Variants in NEK1 observed in about 807,000 individuals in gnomAD.
The protein encoded by NEK1 is serine/threonine-protein kinase Nek1.
Under a neutral mutation model 182.1 loss-of-function variants are expected in NEK1, and 137 were observed. The ratio of observed to expected loss-of-function variants is 0.75; its 90% CI spans 0.65 to 0.87. The LOEUF is 0.87. NEK1 is among the 40% of genes least tolerant of loss of function. NEK1 has a pLI of 0.00. For missense variants in NEK1, 1,391 were observed against 1,494.4 expected (o/e 0.93, Z 1.14); for synonymous variants, 513 against 492.2 (o/e 1.04, Z -0.56).
At chr4:169,598,893 A>C (rs1307713454) in intron 5 of NEK1, among the ~76,000 whole-genome samples, 2 of 152,216 alleles carry the variant, frequency 1.3e-5, no homozygotes, top group Non-Finnish European at 2.9e-5. Context: ...CAGAGATAAC[A>C]ATATATCATT....
chr4:169,545,385 A>C (rs1760242407), intron 18 of NEK1, among the ~76,000 whole-genome samples: 1 of 151,522 alleles, frequency 6.6e-6, no homozygotes, highest in Non-Finnish European at 1.5e-5. Context: ...TGAACTCATC[A>C]TTTTTTATGG....
At chr4:169,609,722 G>T (rs991429799) in intron 2 of NEK1, among the ~76,000 whole-genome samples, 3 of 152,006 alleles carry the variant, frequency 2.0e-5, no homozygotes, top group Non-Finnish European at 2.9e-5. Context: ...TAGTTGAAAA[G>T]ATTTTTCAAT....
chr4:169,512,117 C>T (rs987192072), intron 19 of NEK1, among the ~76,000 whole-genome samples: 4 of 152,046 alleles, frequency 2.6e-5, no homozygotes, highest in African/African-American at 9.7e-5. Flanking sequence ...GTTTTCTTTT[C>T]TCTGGAACAT....
chr4:169,569,199 A>G (rs1764217309), intron 12 of NEK1, among the ~76,000 whole-genome samples: 1 of 152,212 alleles, frequency 6.6e-6, no homozygotes. Flanking sequence ...TTAGATATGT[A>G]GGTACAGAAT....
intron 23 of NEK1, among the ~76,000 whole-genome samples, chr4:169,493,519 A>T (rs1750522238): frequency 6.6e-6 from 1 of 152,228 alleles, no homozygotes; most frequent in Non-Finnish European, 1.5e-5. Flanking sequence ...TCTGAGAGGA[A>T]GTTGAAATCC....
rs548733248 is a variant in NEK1 at position 169,486,475 on chromosome 4, T to C, written c.2008-6941A>G. On this transcript the variant is annotated intron_variant, in intron 23 of 35. Coordinates refer to ENST00000507142, the MANE Select transcript of NEK1 (RefSeq NM_001199397.3). ...ATATTTTCATCTTTATGCTGACTTA[T>C]TAGTAAGGATTTAATGTATGCTAGG... Among the ~76,000 whole-genome samples the C allele has an allele frequency of 4.3e-4, 66 of 152,350 alleles. 2 individuals are homozygous for C. The South Asian group carries it at 0.012, about 27-fold the overall frequency.
intron 27 of NEK1, among the ~76,000 whole-genome samples, chr4:169,452,394 C>T (rs189392170): frequency 2.0e-5 from 3 of 152,302 alleles, no homozygotes; most frequent in East Asian, 1.9e-4. Context: ...CCCTGATGAA[C>T]GTCGATGCGA....
At chr4:169,471,543 T>G (rs572928334) in intron 26 of NEK1, among the ~76,000 whole-genome samples, 1 of 152,252 alleles carries the variant, frequency 6.6e-6, no homozygotes, top group Non-Finnish European at 1.5e-5. Flanking sequence ...GAAGTTCTCC[T>G]GTTTGAGGTG....
chr4:169,430,174 TTTTTTG>T (rs1737153402), intron 29 of NEK1, among the ~76,000 whole-genome samples: 1 of 152,032 alleles, frequency 6.6e-6, no homozygotes, highest in Non-Finnish European at 1.5e-5. Context: ...TTAAGGAGCT[TTTTTTG>T]TTTTTGTTTT....
At chr4:169,457,428 T>A (rs116098516) in intron 27 of NEK1, among the ~76,000 whole-genome samples, 2 of 149,026 alleles carry the variant, frequency 1.3e-5, no homozygotes, top group Non-Finnish European at 3.0e-5. Flanking sequence ...ATATACAAAG[T>A]GGAAATTCCC....
chr4:169,578,624 T>C (rs1766098137), intron 11 of NEK1, among the ~76,000 whole-genome samples: 1 of 152,208 alleles, frequency 6.6e-6, no homozygotes, highest in African/African-American at 2.4e-5. Context: ...GTTATGCATA[T>C]ATCATCACAG....
chr4:169,536,809 G>T (rs1485415527), intron 19 of NEK1, among the ~76,000 whole-genome samples: 1 of 152,116 alleles, frequency 6.6e-6, no homozygotes, highest in African/African-American at 2.4e-5. Flanking sequence ...ATTAACATGG[G>T]AGATATGAGC....
intron 27 of NEK1, among the ~76,000 whole-genome samples, chr4:169,451,806 T>TA (rs1330529361): frequency 5.3e-5 from 8 of 151,586 alleles, no homozygotes; most frequent in Non-Finnish European, 1.0e-4. Context: ...CTGAAGGAGA[T>TA]AGACACAAAA....
intron 10 of NEK1, among the ~76,000 whole-genome samples, chr4:169,582,601 G>T (rs1430852609): frequency 1.3e-5 from 2 of 151,926 alleles, no homozygotes; most frequent in Admixed American, 6.6e-5. Flanking sequence ...TCTCCATCTT[G>T]TCCCCAAATC....
At chr4:169,452,917 C>T (rs561487428) in intron 27 of NEK1, among the ~76,000 whole-genome samples, 11 of 152,180 alleles carry the variant, frequency 7.2e-5, no homozygotes, top group Admixed American at 2.0e-4. Flanking sequence ...AAAACCCTAT[C>T]GTCTCAGCCC....
intron 27 of NEK1, among the ~76,000 whole-genome samples, chr4:169,458,275 C>T (rs1743291779): frequency 6.6e-6 from 1 of 151,910 alleles, no homozygotes; most frequent in Non-Finnish European, 1.5e-5. Flanking sequence ...TGATCTTTGG[C>T]AAAGGAGCAA....
intron 9 of NEK1, 60 bp from the exon 10 acceptor site, chr4:169,585,609 C>T: frequency 4.7e-6 from 5 of 1,062,960 alleles, no homozygotes; most frequent in Middle Eastern, 2.2e-4. Flanking sequence ...CTGAGAATAT[C>T]GGTAATGAGA....
chr4:169,532,795 A>C (rs987960609), intron 19 of NEK1, among the ~76,000 whole-genome samples: 3 of 151,722 alleles, frequency 2.0e-5, no homozygotes, highest in Non-Finnish European at 2.9e-5. Context: ...AAAATATGAA[A>C]AAAAAAATTA....
Position 169,401,815 on chromosome 4 carries a change from C to A in NEK1, c.3420G>T (p.Ser1140=). ...GTTGTTCCCTAAGTAACTGTTCCAT[C>A]GAGGCCTGCAGCTCTTGTAAATCTG... is the stretch of plus-strand genomic sequence containing the variant. ...TDTDLQELQA[S]MEQLLREQPG... is the part of the protein sequence containing the mutation. The change falls in exon 33 of 36, where the codon TCG becomes TCT. Residue 1140 remains serine, a synonymous_variant. Transcript: ENST00000507142. 6.2e-7 allele frequency: 1 copy of A among 1,613,584 alleles called. No homozygotes were observed. The highest frequency in any genetic ancestry group is 8.5e-7 in the Non-Finnish European group (1 of 1,179,674).
Sources: gnomAD v4.1 joint callset for allele counts (sites outside exome capture counted in the v4.1 genomes callset) on GRCh38, gnomAD v4.1.1 for gene constraint, MANE v1.5 for transcripts, NCBI Gene and HGNC (gene_info 2026-07-23, HGNC 2026-07-21) for gene names.